Variants in SLC1A6 observed in about 807,000 individuals in gnomAD.
SLC1A6 encodes the protein excitatory amino acid transporter 4.
SLC1A6 carries 15 observed loss-of-function variants against 42.1 expected under a neutral mutation model. The observed-to-expected ratio is 0.36, with a 90% confidence interval of 0.24 to 0.55. The LOEUF (loss-of-function observed/expected upper bound fraction) is 0.55, where lower values mean the gene tolerates loss of function less well. SLC1A6 is among the 20% of genes least tolerant of loss of function. SLC1A6 has a pLI of 0.88. For synonymous variants in SLC1A6, 317 were observed against 319.7 expected (o/e 0.99, Z 0.09); for missense variants, 542 against 772.5 (o/e 0.70, Z 3.54).
chr19:14,994,729 A>AC (rs1218236254), intron 1 of SLC1A6, among the ~76,000 whole-genome samples: 1 of 151,890 alleles, frequency 6.6e-6, no homozygotes, highest in Admixed American at 6.6e-5. Context: ...CTTAGGGCAA[A>AC]CCCCCTTGCC....
At chr19:14,986,189 A>G (rs563951533) in intron 1 of SLC1A6, among the ~76,000 whole-genome samples, 1 of 152,032 alleles carries the variant, frequency 6.6e-6, no homozygotes, top group African/African-American at 2.4e-5. Flanking sequence ...TGCATCACAC[A>G]GAATATTAAA....
intron 7 of SLC1A6, among the ~76,000 whole-genome samples, chr19:14,954,594 A>C (rs1034187838): frequency 5.3e-5 from 8 of 151,718 alleles, no homozygotes; most frequent in Non-Finnish European, 1.2e-4. Context: ...GGGCGTGGCA[A>C]GGCAGGGCGG....
At chr19:14,966,945 G>T (rs536853836) in intron 4 of SLC1A6, among the ~76,000 whole-genome samples, 4 of 152,248 alleles carry the variant, frequency 2.6e-5, no homozygotes, top group Admixed American at 1.3e-4. Context: ...TTAAAACCTA[G>T]ATGACGGGTT....
chr19:14,982,264 A>G (rs535170165), upstream of SLC1A6, among the ~76,000 whole-genome samples: 3 of 152,164 alleles, frequency 2.0e-5, no homozygotes, highest in Non-Finnish European at 4.4e-5. Flanking sequence ...GCATGGTGGC[A>G]CACACCTGTA....
intron 1 of SLC1A6, among the ~76,000 whole-genome samples, chr19:14,988,439 A>G (rs1038777609): frequency 6.6e-6 from 1 of 152,228 alleles, no homozygotes; most frequent in Non-Finnish European, 1.5e-5. Context: ...TTATGTTCAG[A>G]AAACAAATAA....
At chr19:15,003,674 A>G (rs201363676) in intron 1 of SLC1A6, among the ~76,000 whole-genome samples, 17 of 117,294 alleles carry the variant, frequency 1.4e-4, no homozygotes, top group Admixed American at 4.2e-4. Context: ...AAAAAAAAAA[A>G]GAAAGAAAAG....
At chr19:14,983,843 C>T (rs1424731922), upstream of SLC1A6, among the ~76,000 whole-genome samples, 2 of 151,346 alleles carry the variant, frequency 1.3e-5, no homozygotes, top group Non-Finnish European at 2.9e-5. Flanking sequence ...GCCATGAGCT[C>T]AATGTTAATG....
chr19:14,973,197 T>A, intron 1 of SLC1A6: 1 of 454,442 alleles, frequency 2.2e-6, no homozygotes, highest in Non-Finnish European at 3.9e-6. Context: ...GCCCAAGAGT[T>A]CAAGGTTACA....
rs577632412 is a variant in SLC1A6 at position 14,970,508 on chromosome 19, G to C, written c.343+1229C>G. On this transcript the variant is annotated intron_variant, in intron 3 of 9. Coordinates refer to ENST00000594383, the MANE Select transcript of SLC1A6 (RefSeq NM_005071.3). ...GGGCGGATCACGAGGTCAGGAGATC[G>C]AGACCATCCTGGCTAGCACGGTGAA... 7.9e-4 allele frequency among the ~76,000 whole-genome samples: 120 copies of C among 151,924 alleles called. 1 individual carries two copies. Among genetic ancestry groups the C allele is most frequent in the African/African-American group, 2.8e-3 (114 of 41,428 alleles).
Position 14,969,957 on chromosome 19 carries a change from A to G in SLC1A6, c.344-1450T>C, listed in dbSNP as rs551105457. On this transcript the variant is annotated intron_variant, in intron 3 of 9. Coordinates refer to ENST00000594383, the MANE Select transcript of SLC1A6 (RefSeq NM_005071.3). ...GTTTCTTCTGCCTGTGCCACCCCTGAGACAGCAAGACAAGCCCTCCTCTTC... is the reference window on the plus strand; with the variant it reads ...GTTTCTTCTGCCTGTGCCACCCCTGGGACAGCAAGACAAGCCCTCCTCTTC... 3.6e-3 allele frequency among the ~76,000 whole-genome samples: 543 copies of G among 151,160 alleles called. 2 individuals are homozygous for G. Among genetic ancestry groups the G allele is most frequent in the Middle Eastern group, 0.017 (5 of 290 alleles).
intron 1 of SLC1A6, among the ~76,000 whole-genome samples, chr19:14,996,635 T>C (rs983908509): frequency 2.0e-5 from 3 of 149,588 alleles, no homozygotes; most frequent in African/African-American, 7.4e-5. Flanking sequence ...ATTTTGATGG[T>C]TTATTTTAGT....
Position 14,968,388 on chromosome 19 carries a change from G to A in SLC1A6, c.463C>T (p.Pro155Ser). The A allele has an allele frequency of 6.2e-7, 1 of 1,613,872 alleles. No homozygotes were observed. The highest frequency in any genetic ancestry group is 8.5e-7 in the Non-Finnish European group (1 of 1,179,914). The change falls in exon 4 of 10, where the codon CCC becomes TCC. Residue 155 changes from proline to serine, a missense_variant. Physicochemically the swap from Pro to Ser is moderately conservative, Grantham distance 74. This residue lies in a region of SLC1A6 where 298 missense variants were observed against 419.4 expected (regional missense o/e 0.71). Transcript: ENST00000594383. ...AGCCCCTCCTTGGAGCCCTTCCCGG[G>A]ATGGATGATGGTGACCATGAGGATG... Reference protein sequence around the residue: ...IGILMVTIIHPGKGSKEGLHR... With the variant: ...IGILMVTIIHSGKGSKEGLHR...
At chr19:15,004,784 A>G (rs766319764) in intron 1 of SLC1A6, among the ~76,000 whole-genome samples, 4 of 152,120 alleles carry the variant, frequency 2.6e-5, no homozygotes, top group Admixed American at 1.3e-4. Flanking sequence ...TTGCTTTCAT[A>G]GCTTATTTGT....
intron 1 of SLC1A6, 79 bp from the exon 2 acceptor site, chr19:14,972,996 G>A: frequency 8.7e-7 from 1 of 1,148,836 alleles, no homozygotes; most frequent in South Asian, 1.6e-5. Flanking sequence ...AGGCTGCGAA[G>A]GGTAATGAGC....
intron 5 of SLC1A6, 127 bp downstream of exon 5, chr19:14,964,192 T>A: frequency 1.3e-6 from 1 of 777,510 alleles, no homozygotes; most frequent in Non-Finnish European, 2.3e-6. Context: ...CCTAGACTCC[T>A]CAAGAACCCC....
At chr19:14,988,255 C>T (rs2045802441) in intron 1 of SLC1A6, among the ~76,000 whole-genome samples, 1 of 152,186 alleles carries the variant, frequency 6.6e-6, no homozygotes, top group African/African-American at 2.4e-5. Context: ...GAGACTTTCT[C>T]CCCACCTCCC....
chr19:14,977,159 A>G (rs979136718), intron 1 of SLC1A6: 9 of 152,058 alleles, frequency 5.9e-5, no homozygotes, highest in African/African-American at 1.9e-4. Flanking sequence ...ACCAAGGGAG[A>G]TCATTCAGCT....
chr19:14,972,898 C>T lies in SLC1A6; in HGVS notation c.13G>A (p.Gly5Ser). The stretch of plus-strand genomic sequence containing the variant: ...CTCTCCCGCAGGAACAGGCTGTTGC[C>T]ATGGCTGCTCATGGTCTATCTGCGG... The part of the protein sequence containing the change: MSSH[G>S]NSLFLRESGQ... Residue 5 changes from glycine to serine, a missense_variant, in exon 2 of 10, where the codon GGC (glycine) becomes AGC (serine). Around this residue, in one of 6 missense-constraint regions of SLC1A6, gnomAD observed 88 missense variants for 85.5 expected, o/e 1.03. Coordinates refer to ENST00000594383, the MANE Select transcript of SLC1A6 (RefSeq NM_005071.3). 1.3e-6 allele frequency: 2 copies of T among 1,583,392 alleles called. No homozygotes were observed. Among genetic ancestry groups the T allele is most frequent in the Non-Finnish European group, 1.7e-6 (2 of 1,164,922 alleles).
intron 1 of SLC1A6, among the ~76,000 whole-genome samples, chr19:15,008,743 G>A (rs1325711793): frequency 2.0e-5 from 3 of 152,048 alleles, no homozygotes; most frequent in Non-Finnish European, 4.4e-5. Context: ...CAGCATTTTG[G>A]GAGGTCAAGG....
Sources: gnomAD v4.1 joint callset for allele counts (sites outside exome capture counted in the v4.1 genomes callset) on GRCh38, gnomAD v4.1.1 for gene constraint, gnomAD v4.1.1 regional missense constraint, MANE v1.5 for transcripts, NCBI Gene and HGNC (gene_info 2026-07-23, HGNC 2026-07-21) for gene names.